The following BANK1 variants were observed in gnomAD, a reference collection of about 807,000 sequenced individuals.
BANK1 encodes B-cell scaffold protein with ankyrin repeats.
Under a neutral mutation model 94.5 loss-of-function variants are expected in BANK1, and 95 were observed. That is an observed-to-expected ratio of 1.00 (90% CI 0.85 to 1.19). The LOEUF is 1.19. BANK1 is among the 50% of genes most tolerant of loss of function. The pLI is 0.00. For missense variants in BANK1, 987 were observed against 932.2 expected (o/e 1.06, Z -0.77); for synonymous variants, 334 against 308.4 (o/e 1.08, Z -0.87).
intron 8 of BANK1, among the ~76,000 whole-genome samples, 152 bp from the exon 9 acceptor site, chr4:102,025,048 GT>G (rs1727037364): frequency 1.3e-5 from 2 of 152,284 alleles, no homozygotes; most frequent in Admixed American, 1.3e-4. Context: ...ATAAATGACT[GT>G]TCACTAAAAG....
At position 102,030,074 on chromosome 4, in the gene BANK1, A is replaced by G; in HGVS notation, c.1709A>G (p.Glu570Gly). The G allele has an allele frequency of 6.2e-7, 1 of 1,613,964 alleles. No homozygotes were observed. The highest frequency in any genetic ancestry group is 1.1e-5 in the South Asian group (1 of 91,068). The stretch of plus-strand genomic sequence containing the variant: ...AAAGAGAAGAAAGAAGAGGAAAAAG[A>G]GCAGGAGGAGGAAGAAGACCCATAT... ...GEKEKKEEEK[E>G]QEEEEDPYTF... is the part of the protein sequence containing the mutation. Residue 570 changes from glutamate (E) to glycine (G), a missense_variant, in exon 10 of 17, where the codon GAG (glutamate) becomes GGG (glycine). Glu to Gly is a moderately conservative substitution (Grantham distance 98). Coordinates refer to ENST00000322953, the MANE Select transcript of BANK1 (RefSeq NM_017935.5).
chr4:101,867,194 A>T (rs199919519), intron 4 of BANK1, among the ~76,000 whole-genome samples: 3 of 50,872 alleles, frequency 5.9e-5, no homozygotes, highest in South Asian at 4.6e-4. Context: ...AAAAAAAAAA[A>T]AAGAATTACG....
In BANK1 at chr4:101,862,646, T is replaced by C. The variant is rs754381665; in HGVS notation, c.745T>C (p.Trp249Arg). 3 of 1,605,936 alleles carry C rather than the reference T, an allele frequency of 1.9e-6. No individual in the cohort carries two copies. In the East Asian group the frequency reaches 6.8e-5, roughly 36 times the overall value. ...GCCAGCCCTTTGGAATAAGAAAGTC[T>C]GGTGCATGAAAGCTTTAGGTAAGAA... ...TRPALWNKKVWCMKALEFPAG... is the reference protein window; with the variant it reads ...TRPALWNKKVRCMKALEFPAG... The change falls in exon 4 of 17, where the codon TGG (tryptophan) becomes CGG (arginine). Residue 249 changes from tryptophan to arginine, a missense_variant. By Grantham distance (101) the Trp-to-Arg change is moderately radical. Coordinates refer to ENST00000322953, the MANE Select transcript of BANK1 (RefSeq NM_017935.5).
chr4:102,049,937 T>C (rs1485306028), intron 11 of BANK1, among the ~76,000 whole-genome samples: 2 of 152,210 alleles, frequency 1.3e-5, no homozygotes, highest in Non-Finnish European at 2.9e-5. Flanking sequence ...GTAAACATAC[T>C]GCACATGGGC....
At position 102,073,666 on chromosome 4, in the gene BANK1, A is replaced by C; in HGVS notation, c.2299-18A>C. ...ACAAATCGAGAAATACTAGCTCTAT[A>C]TCTTTATTTTTTTTCAGCTTCCTGC... On this transcript the variant is annotated intron_variant, in intron 15 of 16. Transcript: ENST00000322953. 6.2e-7 allele frequency: 1 copy of C among 1,607,354 alleles called. No individual in the cohort carries two copies. The highest frequency in any genetic ancestry group is 8.5e-7 in the Non-Finnish European group (1 of 1,175,838).
chr4:101,918,159 A>C lies in BANK1; in HGVS notation c.1176A>C (p.Lys392Asn). The C allele has an allele frequency of 6.3e-7, 1 of 1,581,884 alleles. No homozygotes were observed. The highest frequency in any genetic ancestry group is 8.6e-7 in the Non-Finnish European group (1 of 1,163,544). ...ATATTGCTGAAAGGCATGGTCACAA[A>C]GAACTCAAGAAAATCTTCGAAGACT... The part of the protein sequence containing the change: ...PAHIAERHGH[K>N]ELKKIFEDFS... Residue 392 changes from lysine (K) to asparagine (N), a missense_variant, in exon 7 of 17, where the codon AAA becomes AAC. Physicochemically the swap from Lys to Asn is moderately conservative, Grantham distance 94 (BLOSUM62 0). Transcript: ENST00000322953.
intron 7 of BANK1, among the ~76,000 whole-genome samples, chr4:102,006,398 T>C (rs899758512): frequency 6.6e-6 from 1 of 151,996 alleles, no homozygotes; most frequent in Non-Finnish European, 1.5e-5. Context: ...GGCTTGGGAA[T>C]AGGTAGTTTA....
At chr4:101,959,381 GC>G (rs996288393) in intron 7 of BANK1, among the ~76,000 whole-genome samples, 10 of 151,938 alleles carry the variant, frequency 6.6e-5, no homozygotes, top group Non-Finnish European at 1.3e-4. Flanking sequence ...CTTGTGATCT[GC>G]CCTCCTCGGC....
At chr4:102,007,060 ATATAATT>A (rs1336709535) in intron 7 of BANK1, among the ~76,000 whole-genome samples, 2 of 114,082 alleles carry the variant, frequency 1.8e-5, no homozygotes, top group East Asian at 4.2e-4. Context: ...TATATAAAAT[ATATAATT>A]TTATATATAT....
intron 1 of BANK1, among the ~76,000 whole-genome samples, chr4:101,804,177 A>G (rs1411473770): frequency 6.6e-6 from 1 of 151,992 alleles, no homozygotes; most frequent in Admixed American, 6.6e-5. Flanking sequence ...TACAGACCAT[A>G]CATGTTGTTA....
chr4:101,828,416 T>A (rs1286262343), intron 1 of BANK1, among the ~76,000 whole-genome samples: 2 of 149,638 alleles, frequency 1.3e-5, no homozygotes, highest in Non-Finnish European at 3.0e-5. Context: ...TATATCTCCA[T>A]ATATATCTAC....
chr4:101,893,947 G>A (rs1721970944), intron 5 of BANK1, among the ~76,000 whole-genome samples: 1 of 151,920 alleles, frequency 6.6e-6, no homozygotes, highest in Non-Finnish European at 1.5e-5. Context: ...AGTACCTAGA[G>A]TCCTTAACCA....
intron 2 of BANK1, among the ~76,000 whole-genome samples, chr4:101,844,410 G>A (rs1727171590): frequency 6.6e-6 from 1 of 152,198 alleles, no homozygotes; most frequent in African/African-American, 2.4e-5. Flanking sequence ...TGGAAAGACT[G>A]CAATGGCAAA....
At chr4:101,932,113 A>G (rs568848381) in intron 7 of BANK1, among the ~76,000 whole-genome samples, 3 of 151,630 alleles carry the variant, frequency 2.0e-5, no homozygotes, top group Admixed American at 6.6e-5. Flanking sequence ...CTGTTAGTAG[A>G]TGAATGTTAA....
chr4:101,819,329 C>G (rs1462015302), intron 1 of BANK1, among the ~76,000 whole-genome samples: 5 of 152,138 alleles, frequency 3.3e-5, no homozygotes, highest in Admixed American at 2.0e-4. Flanking sequence ...GCATAGAAAA[C>G]CCCTTTTTCA....
At chr4:101,827,897 G>T (rs1308583282) in intron 1 of BANK1, among the ~76,000 whole-genome samples, 1 of 151,422 alleles carries the variant, frequency 6.6e-6, no homozygotes, top group African/African-American at 2.4e-5. Flanking sequence ...ATGATTTCTT[G>T]ATTTACTAAT....
chr4:101,810,573 A>G (rs1346572657), intron 1 of BANK1, among the ~76,000 whole-genome samples: 1 of 152,220 alleles, frequency 6.6e-6, no homozygotes, highest in Non-Finnish European at 1.5e-5. Context: ...ACATTATTGG[A>G]ACATCTTTCA....
intron 7 of BANK1, among the ~76,000 whole-genome samples, chr4:102,017,319 T>C (rs1035558511): frequency 1.3e-5 from 2 of 152,200 alleles, no homozygotes; most frequent in Non-Finnish European, 2.9e-5. Flanking sequence ...GCCACAACTA[T>C]GGTGGGCTTG....
chr4:102,020,565 C>T (rs1174282191), intron 7 of BANK1, among the ~76,000 whole-genome samples: 1 of 151,912 alleles, frequency 6.6e-6, no homozygotes, highest in African/African-American at 2.4e-5. Context: ...TCTCTTTGGC[C>T]AAAGTGGGTG....
Sources: allele counts gnomAD v4.1 joint callset (sites outside exome capture counted in the v4.1 genomes callset), GRCh38; gene constraint gnomAD v4.1.1; transcripts MANE v1.5; gene names NCBI Gene and HGNC (gene_info 2026-07-23, HGNC 2026-07-21).